NRCAM: variants seen among roughly 807,000 people sequenced by gnomAD.
The protein encoded by NRCAM is neuronal cell adhesion molecule.
A neutral mutation model predicts 156.5 loss-of-function variants in NRCAM; 83 were observed. That is an observed-to-expected ratio of 0.53 (90% CI 0.44 to 0.64). The LOEUF (loss-of-function observed/expected upper bound fraction) is 0.64, where lower values mean the gene tolerates loss of function less well. Ranked by LOEUF, NRCAM falls within the 30% of genes least tolerant of loss-of-function variation. NRCAM has a pLI of 0.00. For synonymous variants in NRCAM, 538 were observed against 563.9 expected (o/e 0.95, Z 0.65); for missense variants, 1,417 against 1,597.3 (o/e 0.89, Z 1.92).
rs1391677861 is a variant in NRCAM at position 108,324,940 on chromosome 7, G to A, written c.-173-12209C>T. 4.9e-5 allele frequency among the ~76,000 whole-genome samples: 6 copies of A among 121,250 alleles called. No individual in the cohort carries two copies. In the East Asian group the frequency reaches 7.5e-4, roughly 15 times the overall value. The allele number at this position is 121,250 out of a possible 152,430, so 79.5% of individuals were successfully genotyped here. The stretch of plus-strand genomic sequence containing the variant: ...TATGGCTGGTGTAATCAGACACCAC[G>A]TACCAGGCAAACCTAACCCTTGAGG... On this transcript the variant is annotated intron_variant, in intron 2 of 32. Transcript: ENST00000379028.
rs2056597248 is a variant in NRCAM at position 108,168,802 on chromosome 7, T to C, written c.3188-400A>G. Reference sequence around the variant, plus strand: ...TCAGAGACGCCAAGGTAAAACCCAATACTATGTGGCTACTTTTCAAACCTA... The same window carrying C: ...TCAGAGACGCCAAGGTAAAACCCAACACTATGTGGCTACTTTTCAAACCTA... On this transcript the variant is annotated intron_variant, in intron 28 of 32. Transcript: ENST00000379028. 2.0e-5 allele frequency among the ~76,000 whole-genome samples: 3 copies of C among 152,202 alleles called. No individual in the cohort carries two copies. The South Asian group carries it at 6.2e-4, about 31-fold the overall frequency.
At chr7:108,394,926 T>C (rs941761029) in intron 2 of NRCAM, among the ~76,000 whole-genome samples, 11 of 152,234 alleles carry the variant, frequency 7.2e-5, no homozygotes, top group Non-Finnish European at 1.3e-4. Context: ...TTGTTTTATT[T>C]TTCCATTTTA....
At chr7:108,157,428 A>C (rs575608593) in intron 32 of NRCAM, among the ~76,000 whole-genome samples, 5 of 152,158 alleles carry the variant, frequency 3.3e-5, no homozygotes, top group Admixed American at 3.3e-4. Flanking sequence ...CCAGACACAA[A>C]ATTCTATTAA....
intron 3 of NRCAM, among the ~76,000 whole-genome samples, chr7:108,270,280 T>G (rs2097293798): frequency 6.6e-6 from 1 of 152,208 alleles, no homozygotes; most frequent in Non-Finnish European, 1.5e-5. Context: ...CTTTAGGGTT[T>G]GCCATAAGAA....
intron 3 of NRCAM, among the ~76,000 whole-genome samples, chr7:108,309,740 GTAGC>G (rs1311531223): frequency 6.6e-6 from 1 of 152,086 alleles, no homozygotes; most frequent in Non-Finnish European, 1.5e-5. Flanking sequence ...ATCTGTAATT[GTAGC>G]TACTCAGGAG....
At position 108,302,939 on chromosome 7, in the gene NRCAM, C is replaced by T. The variant is rs146497726; in HGVS notation, c.-107+9726G>A. On this transcript the variant is annotated intron_variant, in intron 3 of 32. Coordinates refer to ENST00000379028, the MANE Select transcript of NRCAM (RefSeq NM_001037132.4). Reference sequence around the variant, plus strand: ...AGTCCTGTCTTCCTCTTAAAAGCAGCCCTTCTGCTGCATTTTATTTTTTAT... The same window carrying T: ...AGTCCTGTCTTCCTCTTAAAAGCAGTCCTTCTGCTGCATTTTATTTTTTAT... 3.2e-4 allele frequency among the ~76,000 whole-genome samples: 49 copies of T among 152,136 alleles called. No homozygotes were observed. In the East Asian group the frequency reaches 9.1e-3, roughly 28 times the overall value.
At chr7:108,425,648 C>A (rs1038160670) in intron 1 of NRCAM, among the ~76,000 whole-genome samples, 2 of 152,140 alleles carry the variant, frequency 1.3e-5, no homozygotes, top group African/African-American at 4.8e-5. Context: ...CCGAACAGAT[C>A]CAAATTCAAG....
At chr7:108,387,602 A>G (rs1409294592) in intron 2 of NRCAM, among the ~76,000 whole-genome samples, 1 of 152,140 alleles carries the variant, frequency 6.6e-6, no homozygotes, top group East Asian at 1.9e-4. Context: ...TCTAGGGTAC[A>G]TGTGCACAAC....
chr7:108,234,898 A>G (rs1589409912), intron 5 of NRCAM: 1 of 711,444 alleles, frequency 1.4e-6, no homozygotes, highest in East Asian at 2.6e-5. Flanking sequence ...TCTTTCGGTA[A>G]CTATGTGTAC....
chr7:108,198,131 TCCTA>T, intron 13 of NRCAM, 32 bp from the exon 14 acceptor site: 1 of 1,563,506 alleles, frequency 6.4e-7, no homozygotes, highest in South Asian at 1.2e-5. Flanking sequence ...AAGTATTTAT[TCCTA>T]TTTGCTTAAA....
At chr7:108,422,483 G>A (rs1308722221) in intron 1 of NRCAM, among the ~76,000 whole-genome samples, 2 of 152,076 alleles carry the variant, frequency 1.3e-5, no homozygotes, top group Non-Finnish European at 2.9e-5. Context: ...GCTCTTTTAT[G>A]TATATGAAAT....
At chr7:108,383,646 T>C (rs956114669) in intron 2 of NRCAM, among the ~76,000 whole-genome samples, 1 of 152,212 alleles carries the variant, frequency 6.6e-6, no homozygotes. Flanking sequence ...GAAATTTGAA[T>C]AAAAATTAAG....
rs190022309 is a variant in NRCAM at position 108,173,074 on chromosome 7, C to A, written c.3187+2248G>T. Among the ~76,000 whole-genome samples the A allele has an allele frequency of 2.0e-5, 3 of 150,422 alleles. No homozygotes were observed. In the East Asian group the frequency reaches 5.9e-4, roughly 30 times the overall value. On this transcript the variant is annotated intron_variant, in intron 28 of 32. Coordinates refer to ENST00000379028, the MANE Select transcript of NRCAM (RefSeq NM_001037132.4). ...AATCTCAGCTCACTGCAACCTCTAC[C>A]TCCTGAGTTCAAACAGTTTTCCTGC...
intron 1 of NRCAM, among the ~76,000 whole-genome samples, chr7:108,402,303 T>C (rs2099794981): frequency 1.3e-5 from 2 of 152,240 alleles, no homozygotes; most frequent in East Asian, 1.9e-4. Context: ...TTGTACAGCA[T>C]TGTTATTTAC....
intron 3 of NRCAM, among the ~76,000 whole-genome samples, chr7:108,292,013 G>A (rs767881681): frequency 2.0e-5 from 3 of 152,244 alleles, no homozygotes; most frequent in Non-Finnish European, 2.9e-5. Context: ...CGCTTAAACA[G>A]TGCAGGGTGC....
In NRCAM at chr7:108,375,135, G is replaced by A. The variant is rs2099668502; in HGVS notation, c.-174+24301C>T. ...TATAACAAGTCCTCTGATTTTGACT[G>A]AGGAGCCCCTATCTAGCAGCACATA... On this transcript the variant is annotated intron_variant, in intron 2 of 32. Coordinates refer to ENST00000379028, the MANE Select transcript of NRCAM (RefSeq NM_001037132.4). 2.0e-5 allele frequency among the ~76,000 whole-genome samples: 3 copies of A among 152,084 alleles called. No homozygotes were observed. The South Asian group carries it at 6.2e-4, about 32-fold the overall frequency.
chr7:108,408,799 G>GA (rs1291753018), intron 1 of NRCAM, among the ~76,000 whole-genome samples: 1 of 152,206 alleles, frequency 6.6e-6, no homozygotes, highest in Non-Finnish European at 1.5e-5. Flanking sequence ...AGCACTCCCT[G>GA]AAAGGGATTA....
At chr7:108,294,357 CTTCCT>C (rs144497483) in intron 3 of NRCAM, among the ~76,000 whole-genome samples, 2,187 of 152,166 alleles carry the variant, frequency 0.014, 48 homozygotes, top group African/African-American at 0.05. Context: ...ATCACCTCTT[CTTCCT>C]TTATGTTCCT....
chr7:108,215,517 C>T (rs1289714066), intron 11 of NRCAM, among the ~76,000 whole-genome samples: 1 of 152,038 alleles, frequency 6.6e-6, no homozygotes, highest in Non-Finnish European at 1.5e-5. Flanking sequence ...GCCTGGCCAT[C>T]TCCCACTATT....
Sources: allele counts gnomAD v4.1 joint callset (sites outside exome capture counted in the v4.1 genomes callset), GRCh38; gene constraint gnomAD v4.1.1; transcripts MANE v1.5; gene names NCBI Gene and HGNC (gene_info 2026-07-23, HGNC 2026-07-21).